The following HTR1F variants were observed in gnomAD, a reference collection of about 807,000 sequenced individuals.
HTR1F encodes 5-hydroxytryptamine receptor 1F, also known as 5-hydroxytryptamine (serotonin) receptor 1F, G protein-coupled.
HTR1F carries 17 observed loss-of-function variants against 24.0 expected under a neutral mutation model. That is an observed-to-expected ratio of 0.71 (90% CI 0.48 to 1.06). HTR1F has a LOEUF of 1.06. Among genes scored for constraint, HTR1F ranks in the 50% least tolerant of loss-of-function variants. The pLI, the probability that HTR1F is intolerant of heterozygous loss-of-function variation, is 0.00. For synonymous variants in HTR1F, 186 were observed against 156.8 expected (o/e 1.19, Z -1.39); for missense variants, 391 against 427.8 (o/e 0.91, Z 0.76).
At chr3:87,918,036 T>C (rs1436953417) in intron 2 of HTR1F, among the ~76,000 whole-genome samples, 2 of 152,038 alleles carry the variant, frequency 1.3e-5, no homozygotes, top group Non-Finnish European at 2.9e-5. Context: ...CAAGAGGGTT[T>C]TATACAGGGA....
chr3:87,801,478 G>A (rs1442019113), intron 1 of HTR1F, among the ~76,000 whole-genome samples: 1 of 152,192 alleles, frequency 6.6e-6, no homozygotes, highest in Non-Finnish European at 1.5e-5. Flanking sequence ...GGTGGTCGGG[G>A]CACAGCTAGG....
chr3:87,831,412 A>G (rs1391243694), intron 2 of HTR1F, among the ~76,000 whole-genome samples: 4 of 150,710 alleles, frequency 2.7e-5, no homozygotes, highest in Admixed American at 1.3e-4. Context: ...GCCCAGGCTG[A>G]AGTGCAGTGG....
At chr3:87,898,015 T>C (rs1198933667) in intron 2 of HTR1F, among the ~76,000 whole-genome samples, 1 of 152,058 alleles carries the variant, frequency 6.6e-6, no homozygotes, top group South Asian at 2.1e-4. Flanking sequence ...AGCAGATGAA[T>C]AGATCAAAGG....
chr3:87,879,544 A>G (rs1705743726), intron 2 of HTR1F, among the ~76,000 whole-genome samples: 1 of 152,198 alleles, frequency 6.6e-6, no homozygotes, highest in South Asian at 2.1e-4. Context: ...ACACCCTTGA[A>G]TGATATTTTT....
At chr3:87,917,385 CA>C (rs371235870) in intron 2 of HTR1F, among the ~76,000 whole-genome samples, 1,877 of 107,236 alleles carry the variant, frequency 0.018, 16 homozygotes, top group African/African-American at 0.033. Flanking sequence ...GAAATTGAAG[CA>C]AAAAAAAAAA....
intron 2 of HTR1F, among the ~76,000 whole-genome samples, chr3:87,829,277 C>A (rs1032661818): frequency 1.5e-4 from 23 of 152,080 alleles, no homozygotes; most frequent in African/African-American, 5.3e-4. Flanking sequence ...AAATTATCCA[C>A]CAATTTCTTT....
At chr3:87,912,633 C>CAAAAA (rs35147140) in intron 2 of HTR1F, among the ~76,000 whole-genome samples, 20 of 84,498 alleles carry the variant, frequency 2.4e-4, no homozygotes, top group East Asian at 3.9e-4. Context: ...CAATCCTAGG[C>CAAAAA]AAAAAAAAAA....
At chr3:87,797,331 T>C (rs1043926456) in intron 1 of HTR1F, among the ~76,000 whole-genome samples, 2 of 152,216 alleles carry the variant, frequency 1.3e-5, no homozygotes, top group Non-Finnish European at 2.9e-5. Flanking sequence ...TTCAATGGAA[T>C]ACTATCTGGG....
At chr3:87,864,902 A>G (rs111837151) in intron 2 of HTR1F, among the ~76,000 whole-genome samples, 2 of 144,434 alleles carry the variant, frequency 1.4e-5, no homozygotes, top group East Asian at 2.0e-4. Flanking sequence ...AAAAAAAAAA[A>G]AAAAGAAAAG....
At chr3:87,948,752 T>G (rs1704769356) in intron 2 of HTR1F, among the ~76,000 whole-genome samples, 1 of 152,226 alleles carries the variant, frequency 6.6e-6, no homozygotes, top group Non-Finnish European at 1.5e-5. Context: ...GCTTTGGGAC[T>G]CCAGGCATGA....
At chr3:87,796,511 T>G (rs1465794103) in intron 1 of HTR1F, among the ~76,000 whole-genome samples, 1 of 152,052 alleles carries the variant, frequency 6.6e-6, no homozygotes, top group Non-Finnish European at 1.5e-5. Flanking sequence ...GAGAATGTAT[T>G]TAAAGGATCA....
At chr3:87,987,125 AAAAT>A (rs1705679805) in intron 2 of HTR1F, among the ~76,000 whole-genome samples, 1 of 25,384 alleles carries the variant, frequency 3.9e-5, no homozygotes, top group African/African-American at 1.1e-4. Context: ...AAATAAAAAT[AAAAT>A]AAAATAAAAT....
intron 2 of HTR1F, among the ~76,000 whole-genome samples, chr3:87,870,487 G>T (rs1254713458): frequency 6.6e-6 from 1 of 152,028 alleles, no homozygotes; most frequent in Non-Finnish European, 1.5e-5. Context: ...AAAAGCTACT[G>T]TATTTCATTC....
intron 2 of HTR1F, among the ~76,000 whole-genome samples, chr3:87,822,394 A>G (rs1704377597): frequency 6.6e-6 from 1 of 152,180 alleles, no homozygotes; most frequent in African/African-American, 2.4e-5. Context: ...CATTTGGGTG[A>G]GTGAACATAA....
chr3:87,937,782 G>A (rs1453381926), intron 2 of HTR1F, among the ~76,000 whole-genome samples: 1 of 151,990 alleles, frequency 6.6e-6, no homozygotes, highest in Non-Finnish European at 1.5e-5. Flanking sequence ...AAATCAGCTG[G>A]GCATGGTGGT....
intron 2 of HTR1F, among the ~76,000 whole-genome samples, chr3:87,937,316 A>C (rs2107427605): frequency 6.6e-6 from 1 of 152,360 alleles, no homozygotes; most frequent in East Asian, 1.9e-4. Flanking sequence ...TTGGTACAAT[A>C]TACACAAATC....
chr3:87,829,624 A>G (rs1187804046), intron 2 of HTR1F, among the ~76,000 whole-genome samples: 4 of 152,190 alleles, frequency 2.6e-5, no homozygotes, highest in Non-Finnish European at 5.9e-5. Context: ...CTATGTTTGC[A>G]CACTTGTGTT....
At chr3:87,945,692 C>A (rs1473062364) in intron 2 of HTR1F, among the ~76,000 whole-genome samples, 2 of 152,146 alleles carry the variant, frequency 1.3e-5, no homozygotes. Flanking sequence ...CCTTAAGACT[C>A]ACACCTGAGT....
chr3:87,938,916 A>C (rs1704493141), intron 2 of HTR1F, among the ~76,000 whole-genome samples: 1 of 152,230 alleles, frequency 6.6e-6, no homozygotes, highest in Non-Finnish European at 1.5e-5. Context: ...AGCAATCACA[A>C]CGAAAGCAAA....
Sources: allele counts gnomAD v4.1 joint callset (sites outside exome capture counted in the v4.1 genomes callset), GRCh38; gene constraint gnomAD v4.1.1; transcripts MANE v1.5; gene names NCBI Gene and HGNC (gene_info 2026-07-23, HGNC 2026-07-21).